GULP1: variants seen among roughly 807,000 people sequenced by gnomAD.
GULP1 encodes the protein PTB domain-containing engulfment adapter protein 1.
In GULP1, 19 loss-of-function variants were observed where a neutral mutation model predicts 40.9. The ratio of observed to expected loss-of-function variants is 0.46; its 90% CI spans 0.32 to 0.68. The LOEUF is 0.68. Among genes scored for constraint, GULP1 ranks in the 30% least tolerant of loss-of-function variants. GULP1 has a pLI of 0.03. For missense variants in GULP1, 312 were observed against 362.2 expected (o/e 0.86, Z 1.12); for synonymous variants, 119 against 117.6 (o/e 1.01, Z -0.08).
chr2:188,528,338 T>C (rs930606205), intron 5 of GULP1, among the ~76,000 whole-genome samples: 14 of 152,078 alleles, frequency 9.2e-5, no homozygotes, highest in Non-Finnish European at 1.5e-4. Context: ...TCCTGAAATT[T>C]TCCCCCACTA....
At chr2:188,507,740 G>T (rs1018622986) in intron 4 of GULP1, among the ~76,000 whole-genome samples, 16 of 151,844 alleles carry the variant, frequency 1.1e-4, no homozygotes, top group African/African-American at 3.6e-4. Flanking sequence ...ATTAATAAAT[G>T]AAACTACATA....
intron 4 of GULP1, among the ~76,000 whole-genome samples, chr2:188,485,421 T>C (rs182860406): frequency 6.6e-6 from 1 of 152,182 alleles, no homozygotes; most frequent in Admixed American, 6.6e-5. Context: ...TAATATATAT[T>C]GTATGTGTAC....
At chr2:188,324,038 T>C (rs1284073972) in intron 1 of GULP1, among the ~76,000 whole-genome samples, 1 of 152,116 alleles carries the variant, frequency 6.6e-6, no homozygotes, top group African/African-American at 2.4e-5. Flanking sequence ...TGCCTTCTTA[T>C]ATTTTCAAAA....
Position 188,367,520 on chromosome 2 carries a change from G to A in GULP1, c.-171-16243G>A, listed in dbSNP as rs796349938. On this transcript the variant is annotated intron_variant, in intron 1 of 11. Transcript: ENST00000409830. ...GGTATTTAATATGTAGACACCTGGGGCTTTAACCAGTGTTCTTTTTGAAGT... is the reference window on the plus strand; with the variant it reads ...GGTATTTAATATGTAGACACCTGGGACTTTAACCAGTGTTCTTTTTGAAGT... Among the ~76,000 whole-genome samples the A allele has an allele frequency of 1.2e-4, 19 of 152,300 alleles. 1 individual carries two copies. The highest frequency in any genetic ancestry group is 4.6e-4 in the African/African-American group (19 of 41,566).
At chr2:188,306,366 AG>A (rs2037093927) in intron 1 of GULP1, among the ~76,000 whole-genome samples, 1 of 152,090 alleles carries the variant, frequency 6.6e-6, no homozygotes, top group South Asian at 2.1e-4. Flanking sequence ...CCATATTCAA[AG>A]TTGTCCTAAT....
chr2:188,297,397 T>C (rs1031149315), intron 1 of GULP1: 7 of 443,678 alleles, frequency 1.6e-5, no homozygotes, highest in African/African-American at 1.3e-4. Context: ...TTATCAGGTA[T>C]TGTGAAGTGA....
At chr2:188,341,606 T>C (rs961863684) in intron 1 of GULP1, among the ~76,000 whole-genome samples, 7 of 152,208 alleles carry the variant, frequency 4.6e-5, no homozygotes, top group African/African-American at 7.2e-5. Flanking sequence ...GGGGAATTTA[T>C]ATCTGCTATA....
intron 2 of GULP1, among the ~76,000 whole-genome samples, chr2:188,434,390 T>C (rs1170186060): frequency 6.6e-6 from 1 of 151,806 alleles, no homozygotes; most frequent in Non-Finnish European, 1.5e-5. Context: ...TCTTGGTTAT[T>C]ATGGTGACTT....
intron 1 of GULP1, among the ~76,000 whole-genome samples, chr2:188,317,502 A>G (rs1376824818): frequency 6.6e-6 from 1 of 152,114 alleles, no homozygotes; most frequent in Non-Finnish European, 1.5e-5. Flanking sequence ...TGTTGGAGTA[A>G]TTACATAGAT....
intron 3 of GULP1, among the ~76,000 whole-genome samples, chr2:188,481,341 C>T (rs553981062): frequency 3.9e-5 from 6 of 151,954 alleles, no homozygotes; most frequent in African/African-American, 1.4e-4. Flanking sequence ...TTTATTTTGT[C>T]ATTTTTTTGC....
intron 1 of GULP1, among the ~76,000 whole-genome samples, chr2:188,368,979 T>TATATATATATA (rs1418653400): frequency 3.2e-5 from 3 of 95,082 alleles, no homozygotes; most frequent in African/African-American, 1.3e-4. Flanking sequence ...ATATATATAT[T>TATATATATATA]TGAGACAGAG....
chr2:188,402,940 G>A (rs2052520686), intron 2 of GULP1, among the ~76,000 whole-genome samples: 1 of 152,112 alleles, frequency 6.6e-6, no homozygotes, highest in Non-Finnish European at 1.5e-5. Flanking sequence ...TACAAAAAGG[G>A]AAAGTAAATT....
In GULP1 at chr2:188,569,239, G is replaced by T. The variant is rs755577046; in HGVS notation, c.400G>T (p.Ala134Ser). 1.5e-5 allele frequency: 21 copies of T among 1,446,474 alleles called. No homozygotes were observed. In the South Asian group the frequency reaches 2.1e-4, roughly 14 times the overall value. 89.6% of individuals were successfully genotyped at this position (1,446,474 alleles called of 1,614,324 possible). ...AAATCTTTGTTTGATTTTTACACAGGCTGAAGAGATCACTTTAACAATTGG... is the reference window on the plus strand; with the variant it reads ...AAATCTTTGTTTGATTTTTACACAGTCTGAAGAGATCACTTTAACAATTGG... The part of the protein sequence containing the change: ...LCYVFDSEKC[A>S]EEITLTIGQA... The change falls in exon 8 of 12, where the codon GCT becomes TCT. Residue 134 changes from alanine to serine, a missense_variant and splice_region_variant. Physicochemically the swap from Ala to Ser is moderately conservative, Grantham distance 99. Transcript: ENST00000409830.
rs564568229 is a variant in GULP1, at chr2:188,345,893, A to G, written c.-171-37870A>G. Among the ~76,000 whole-genome samples the G allele has an allele frequency of 2.0e-5, 3 of 152,336 alleles. No individual in the cohort carries two copies. In the South Asian group the frequency reaches 6.2e-4, roughly 32 times the overall value. ...AACAATAACCCCTAATATTTCTTGC[A>G]TATACTGAATGTGTCACTCTGTCTG... is the stretch of plus-strand genomic sequence containing the variant. On this transcript the variant is annotated intron_variant, in intron 1 of 11. Transcript: ENST00000409830.
chr2:188,578,883 T>G (rs1700703607), intron 9 of GULP1, among the ~76,000 whole-genome samples: 1 of 152,138 alleles, frequency 6.6e-6, no homozygotes, highest in Non-Finnish European at 1.5e-5. Flanking sequence ...ATTTAATTAC[T>G]TTAACACATA....
In GULP1 at chr2:188,570,020, C is replaced by A; in HGVS notation, c.517-8C>A. The A allele has an allele frequency of 9.6e-7, 1 of 1,045,528 alleles. No homozygotes were observed. Among genetic ancestry groups the A allele is most frequent in the Non-Finnish European group, 1.4e-6 (1 of 696,298 alleles). The allele number at this position is 1,045,528 out of a possible 1,614,324, so 64.8% of individuals were successfully genotyped here. ...CAGAAAGTTATTCAATAATGATTTT[C>A]TTTTTAGATCCAAGACTTAGAAACA... On this transcript the variant is annotated splice_region_variant and splice_polypyrimidine_tract_variant and intron_variant, in intron 8 of 11. Transcript: ENST00000409830.
chr2:188,415,410 G>A (rs917796470), intron 2 of GULP1, among the ~76,000 whole-genome samples: 1 of 152,004 alleles, frequency 6.6e-6, no homozygotes. Flanking sequence ...TGTAGCTGGA[G>A]ATACTGAAAA....
chr2:188,572,659 TATC>T lies in GULP1; in HGVS notation c.609+2542_609+2544del, dbSNP rs1179122850. Among the ~76,000 whole-genome samples the T allele has an allele frequency of 5.3e-5, 8 of 152,352 alleles. No homozygotes were observed. The East Asian group carries it at 1.3e-3, about 26-fold the overall frequency. ...CATGGCTTTTTAGCTCTTAAAATCT[TATC>T]ATATGATTTTTTAAATTGTTGATAT... On this transcript the variant is annotated intron_variant, in intron 9 of 11. Transcript: ENST00000409830.
Position 188,336,344 on chromosome 2 carries a change from A to G in GULP1, c.-172+44178A>G, listed in dbSNP as rs537254206. Among the ~76,000 whole-genome samples, 20 of 152,268 alleles carry G rather than the reference A, an allele frequency of 1.3e-4. 1 individual carries two copies. The South Asian group carries it at 4.1e-3, about 32-fold the overall frequency. ...TCACTGAGCCTCTCTTTCTCAGTCT[A>G]CATGTTTGTGAAATGGGCCTATTGA... On this transcript the variant is annotated intron_variant, in intron 1 of 11. Coordinates refer to ENST00000409830, the MANE Select transcript of GULP1 (RefSeq NM_016315.4).
Sources: gnomAD v4.1 joint callset for allele counts (sites outside exome capture counted in the v4.1 genomes callset) on GRCh38, gnomAD v4.1.1 for gene constraint, MANE v1.5 for transcripts, NCBI Gene and HGNC (gene_info 2026-07-23, HGNC 2026-07-21) for gene names.